AJAP1: variants seen among roughly 807,000 people sequenced by gnomAD.
The protein encoded by AJAP1 is adherens junctions associated protein 1.
Under a neutral mutation model 35.0 loss-of-function variants are expected in AJAP1, and 5 were observed. The observed-to-expected ratio is 0.14, with a 90% confidence interval of 0.07 to 0.30. The LOEUF (loss-of-function observed/expected upper bound fraction) is 0.30. Ranked by LOEUF, AJAP1 falls within the 10% of genes least tolerant of loss-of-function variation. The pLI, the probability that AJAP1 is intolerant of heterozygous loss-of-function variation, is 1.00. For missense variants in AJAP1, 586 were observed against 571.0 expected (o/e 1.03, Z -0.27); for synonymous variants, 284 against 249.3 (o/e 1.14, Z -1.31).
intron 1 of AJAP1, among the ~76,000 whole-genome samples, chr1:4,695,120 T>C (rs1639827861): frequency 6.6e-6 from 1 of 151,920 alleles, no homozygotes; most frequent in Admixed American, 6.6e-5. Context: ...CTGTGGGCAT[T>C]GTGTGGATGG....
intron 1 of AJAP1, among the ~76,000 whole-genome samples, chr1:4,694,508 C>G (rs144765458): frequency 1.3e-5 from 2 of 152,214 alleles, no homozygotes; most frequent in Non-Finnish European, 1.5e-5. Flanking sequence ...GGACAGACAC[C>G]GTCCTTGTTC....
At chr1:4,771,769 C>T (rs906853918) in intron 3 of AJAP1, among the ~76,000 whole-genome samples, 8 of 152,116 alleles carry the variant, frequency 5.3e-5, no homozygotes, top group African/African-American at 1.7e-4. Flanking sequence ...GTACACGTGC[C>T]CCTGGGTGAG....
intron 2 of AJAP1, among the ~76,000 whole-genome samples, chr1:4,764,628 A>C (rs749576795): frequency 5.9e-5 from 9 of 152,194 alleles, no homozygotes; most frequent in Non-Finnish European, 1.2e-4. Flanking sequence ...CACTTGTTGC[A>C]TGACAGACAT....
chr1:4,727,465 C>T (rs984234449), intron 2 of AJAP1, among the ~76,000 whole-genome samples: 4 of 152,234 alleles, frequency 2.6e-5, no homozygotes, highest in African/African-American at 7.2e-5. Flanking sequence ...AGTTATGCTG[C>T]GCTGACCCCG....
chr1:4,672,272 C>T (rs546460478), intron 1 of AJAP1, among the ~76,000 whole-genome samples: 1 of 152,238 alleles, frequency 6.6e-6, no homozygotes, highest in South Asian at 2.1e-4. Context: ...GAAGGAGCGC[C>T]AAGCATATCA....
chr1:4,713,313 C>T (rs1483217175), intron 2 of AJAP1, among the ~76,000 whole-genome samples: 6 of 152,216 alleles, frequency 3.9e-5, no homozygotes, highest in African/African-American at 1.2e-4. Flanking sequence ...CAGGTGGCAC[C>T]TTTCGGCTCC....
intron 2 of AJAP1, among the ~76,000 whole-genome samples, chr1:4,741,886 A>G (rs995933773): frequency 9.9e-5 from 15 of 152,272 alleles, no homozygotes; most frequent in Non-Finnish European, 2.1e-4. Flanking sequence ...CCCAGAGGCC[A>G]GCCCAAAGGG....
In AJAP1 at chr1:4,697,711, G is replaced by A. The variant is rs1284966411; in HGVS notation, c.30-14189G>A. Among the ~76,000 whole-genome samples, 6 of 152,350 alleles carry A rather than the reference G, an allele frequency of 3.9e-5. No homozygotes were observed. The South Asian group carries it at 8.3e-4, about 21-fold the overall frequency. ...TCATGGGTAACATGGGGAGAGTAGC[G>A]TGTCTGTCCCTGAGGGTGTGCACAC... On this transcript the variant is annotated intron_variant, in intron 1 of 5. Transcript: ENST00000378191.
At chr1:4,761,641 T>A (rs567786578) in intron 2 of AJAP1, among the ~76,000 whole-genome samples, 1 of 152,280 alleles carries the variant, frequency 6.6e-6, no homozygotes, top group South Asian at 2.1e-4. Context: ...TTAAGGGGAA[T>A]TGACTCGCAC....
chr1:4,747,452 G>A (rs1329689073), intron 2 of AJAP1, among the ~76,000 whole-genome samples: 1 of 152,136 alleles, frequency 6.6e-6, no homozygotes, highest in African/African-American at 2.4e-5. Context: ...GGGCTTTCAG[G>A]CCTTTAGGCT....
rs1039787610 is a variant in AJAP1, at chr1:4,750,776, G to T, written c.830-19077G>T. On this transcript the variant is annotated intron_variant, in intron 2 of 5. Coordinates refer to ENST00000378191, the MANE Select transcript of AJAP1 (RefSeq NM_018836.4). Reference sequence around the variant, plus strand: ...CCAGGGATCCAAGTTGGTCTGATTGGACCAGAGAGGAAGGGATCTGACCTT... The same window carrying T: ...CCAGGGATCCAAGTTGGTCTGATTGTACCAGAGAGGAAGGGATCTGACCTT... Among the ~76,000 whole-genome samples the T allele has an allele frequency of 4.6e-5, 7 of 151,146 alleles. No homozygotes were observed. The East Asian group carries it at 1.4e-3, about 30-fold the overall frequency.
rs755876611 is a variant in AJAP1 at position 4,723,660 on chromosome 1, G to A, written c.829+10961G>A. On this transcript the variant is annotated intron_variant, in intron 2 of 5. Coordinates refer to ENST00000378191, the MANE Select transcript of AJAP1 (RefSeq NM_018836.4). This position sits in a 1 kb window ranked among gnomAD's most constrained non-coding sequence, Gnocchi z 4.3. ...GCGATGGAAGGGAGACGGGAGGTGA[G>A]CCGCAGATGCAGTGGGTGGAGCTGA... is the stretch of plus-strand genomic sequence containing the variant. Among the ~76,000 whole-genome samples the A allele has an allele frequency of 2.0e-4, 31 of 152,288 alleles. No individual in the cohort carries two copies. Among genetic ancestry groups the A allele is most frequent in the Non-Finnish European group, 4.3e-4 (29 of 68,018 alleles).
intron 1 of AJAP1, among the ~76,000 whole-genome samples, chr1:4,696,606 G>A (rs983163837): frequency 3.3e-5 from 5 of 152,238 alleles, no homozygotes; most frequent in East Asian, 1.9e-4. Flanking sequence ...TGGCCAAGGC[G>A]GTGGGATTTC....
At position 4,655,417 on chromosome 1, in the gene AJAP1, A is replaced by ATCC; in HGVS notation, c.-9_-8insTCC. 6.4e-7 allele frequency: 1 copy of ATCC among 1,563,430 alleles called. No individual in the cohort carries two copies. The highest frequency in any genetic ancestry group is 8.7e-7 in the Non-Finnish European group (1 of 1,155,270). ...CCAGGTCTGAGGCCCCGCTCCCCGA[A>ATCC]ACGTGACCATGTGGATTCAACAGCT... On this transcript the variant is annotated 5_prime_UTR_variant, in exon 1 of 6. Coordinates refer to ENST00000378191, the MANE Select transcript of AJAP1 (RefSeq NM_018836.4). This position sits in a 1 kb window ranked among gnomAD's most constrained non-coding sequence, Gnocchi z 6.9.
chr1:4,704,324 C>T (rs1487942942), intron 1 of AJAP1, among the ~76,000 whole-genome samples: 2 of 131,378 alleles, frequency 1.5e-5, no homozygotes, highest in African/African-American at 2.9e-5. Context: ...CACCCCACAA[C>T]GGTGCCCAGA....
chr1:4,671,896 G>A (rs771995766), intron 1 of AJAP1, among the ~76,000 whole-genome samples: 3 of 152,190 alleles, frequency 2.0e-5, no homozygotes, highest in Non-Finnish European at 4.4e-5. Context: ...CTGTGTAGGT[G>A]TCCCCACTGC....
At chr1:4,763,322 G>A (rs1358921401) in intron 2 of AJAP1, among the ~76,000 whole-genome samples, 4 of 152,232 alleles carry the variant, frequency 2.6e-5, no homozygotes, top group Admixed American at 1.3e-4. Flanking sequence ...ACCAAGCCGA[G>A]TCCTGTGAGA....
At chr1:4,767,511 A>T (rs1641710961) in intron 2 of AJAP1, among the ~76,000 whole-genome samples, 1 of 148,614 alleles carries the variant, frequency 6.7e-6, no homozygotes, top group African/African-American at 2.4e-5. Context: ...CACCATCATC[A>T]CCATCACCAC....
intron 2 of AJAP1, among the ~76,000 whole-genome samples, chr1:4,724,575 A>G (rs562961262): frequency 6.6e-6 from 1 of 152,162 alleles, no homozygotes; most frequent in East Asian, 1.9e-4. Context: ...CAATATCAAT[A>G]ATTGCCAGTG....
Sources: allele counts gnomAD v4.1 joint callset (sites outside exome capture counted in the v4.1 genomes callset), GRCh38; gene constraint gnomAD v4.1.1; non-coding constraint Gnocchi (gnomAD v3.1); transcripts MANE v1.5; gene names NCBI Gene and HGNC (gene_info 2026-07-23, HGNC 2026-07-21).